Variants in VIRMA observed in about 807,000 individuals in gnomAD.
The protein encoded by VIRMA is protein virilizer homolog.
Under a neutral mutation model 182.4 loss-of-function variants are expected in VIRMA, and 65 were observed. The ratio of observed to expected loss-of-function variants is 0.36; its 90% CI spans 0.29 to 0.44. VIRMA has a LOEUF of 0.44. Among genes scored for constraint, VIRMA ranks in the 20% least tolerant of loss-of-function variants. The pLI, the probability that VIRMA is intolerant of heterozygous loss-of-function variation, is 1.00. For missense variants in VIRMA, 1,752 were observed against 2,158.1 expected (o/e 0.81, Z 3.73); for synonymous variants, 709 against 743.1 (o/e 0.95, Z 0.75).
chr8:94,529,492 T>C (rs1405110581), intron 6 of VIRMA, 150 bp from the exon 7 acceptor site: 2 of 605,852 alleles, frequency 3.3e-6, no homozygotes, highest in African/African-American at 1.9e-5. Context: ...TTAAAAAATA[T>C]TGAGTATACA....
intron 22 of VIRMA, among the ~76,000 whole-genome samples, chr8:94,490,433 TTTG>T (rs749569924): frequency 6.6e-6 from 1 of 152,220 alleles, no homozygotes; most frequent in African/African-American, 2.4e-5. Flanking sequence ...AATCTAAGTG[TTTG>T]TTATTAATAT....
intron 18 of VIRMA, 50 bp from the exon 19 acceptor site, chr8:94,495,941 T>A: frequency 6.6e-7 from 1 of 1,513,436 alleles, no homozygotes; most frequent in Non-Finnish European, 9.0e-7. Flanking sequence ...AACTTATGTC[T>A]GTAAACCTAC....
At chr8:94,539,137 G>A (rs1388368725) in intron 2 of VIRMA, among the ~76,000 whole-genome samples, 3 of 150,092 alleles carry the variant, frequency 2.0e-5, no homozygotes, top group Admixed American at 1.3e-4. Context: ...GAGCTCCTGT[G>A]CTCAAGTGAT....
chr8:94,494,765 A>G, intron 20 of VIRMA, 95 bp downstream of exon 20: 1 of 742,164 alleles, frequency 1.3e-6, no homozygotes, highest in Non-Finnish European at 2.2e-6. Flanking sequence ...AGACTTTAAC[A>G]GCCATAAAAT....
At chr8:94,550,096 T>TA (rs79930556) in intron 1 of VIRMA, among the ~76,000 whole-genome samples, 6,492 of 130,294 alleles carry the variant, frequency 0.05, 149 homozygotes, top group Middle Eastern at 0.081. Context: ...GACCTAGTCT[T>TA]AAAAAAAAAA....
intron 8 of VIRMA, among the ~76,000 whole-genome samples, chr8:94,521,139 A>G (rs1047282806): frequency 6.6e-6 from 1 of 151,710 alleles, no homozygotes; most frequent in Admixed American, 6.6e-5. Context: ...TGCTGCACCT[A>G]TCAACCCATC....
At position 94,512,059 on chromosome 8, in the gene VIRMA, C is replaced by A; in HGVS notation, c.2782G>T (p.Val928Phe). Residue 928 changes from valine to phenylalanine, a missense_variant, in exon 12 of 24, where the codon GTT (valine) becomes TTT (phenylalanine). This residue lies in a region of VIRMA where 777 missense variants were observed against 920.6 expected (regional missense o/e 0.84). Coordinates refer to ENST00000297591, the MANE Select transcript of VIRMA (RefSeq NM_015496.5). ...ACACGTAAGGCAGTGGTAAGGCCAA[C>A]TCCTTCTGGGGTCATCAAGTTATCG... ...NIDNLMTPEG[V>F]GLTTALRVLC... 1 of 1,521,914 alleles carries A rather than the reference C, an allele frequency of 6.6e-7. No homozygotes were observed. The highest frequency in any genetic ancestry group is 8.8e-7 in the Non-Finnish European group (1 of 1,134,482). 94.3% of individuals were successfully genotyped at this position (1,521,914 alleles called of 1,614,324 possible).
chr8:94,518,954 T>G (rs538442336), intron 9 of VIRMA, 31 bp downstream of exon 9: 144 of 1,538,034 alleles, frequency 9.4e-5, no homozygotes, highest in Non-Finnish European at 1.2e-4. Context: ...TCTAACATCA[T>G]AGAAAATTTA....
At chr8:94,523,378 T>C (rs1814841719) in intron 8 of VIRMA, among the ~76,000 whole-genome samples, 1 of 152,194 alleles carries the variant, frequency 6.6e-6, no homozygotes, top group Admixed American at 6.6e-5. Context: ...CATCTCCTTC[T>C]AGCTGCTGCC....
In VIRMA at chr8:94,490,017, T is replaced by C. The variant is rs1473043574; in HGVS notation, c.5206A>G (p.Asn1736Asp). The C allele has an allele frequency of 1.2e-6, 2 of 1,614,058 alleles. No homozygotes were observed. Among genetic ancestry groups the C allele is most frequent in the Non-Finnish European group, 1.7e-6 (2 of 1,180,024 alleles). Reference protein sequence around the residue: ...SWSAQNTPRGNYNESRGGQSN... With the variant: ...SWSAQNTPRGDYNESRGGQSN... ...TGGCCTCCACGACTTTCATTGTAAT[T>C]TCCTCGAGGAGTATTCTGAGCACTC... The change falls in exon 23 of 24, where the codon AAT (asparagine) becomes GAT (aspartate). Residue 1736 changes from asparagine to aspartate, a missense_variant. Around this residue, in one of 11 missense-constraint regions of VIRMA, gnomAD observed 132 missense variants for 173.8 expected, o/e 0.76. Coordinates refer to ENST00000297591, the MANE Select transcript of VIRMA (RefSeq NM_015496.5).
At chr8:94,548,339 A>T (rs1025086037) in intron 1 of VIRMA, among the ~76,000 whole-genome samples, 1 of 151,314 alleles carries the variant, frequency 6.6e-6, no homozygotes, top group African/African-American at 2.5e-5. Context: ...ACAGTATTAC[A>T]GTATTGTAAT....
intron 1 of VIRMA, 113 bp from the exon 2 acceptor site, chr8:94,544,055 CATTAAAT>C: frequency 1.7e-6 from 1 of 587,502 alleles, no homozygotes; most frequent in Non-Finnish European, 3.1e-6. Context: ...CATTCCATAT[CATTAAAT>C]ATCATTAAAT....
chr8:94,541,688 T>G (rs1200083640), intron 2 of VIRMA, among the ~76,000 whole-genome samples: 1 of 152,050 alleles, frequency 6.6e-6, no homozygotes, highest in Admixed American at 6.6e-5. Flanking sequence ...ATTACAGGTG[T>G]GCACCACCAC....
At chr8:94,518,001 T>C in intron 9 of VIRMA, 59 bp from the exon 10 acceptor site, 1 of 1,386,392 alleles carries the variant, frequency 7.2e-7, no homozygotes, top group Non-Finnish European at 1.0e-6. Context: ...AGGAACAATT[T>C]TTAAAAATTT....
rs777082443 is a variant in VIRMA at position 94,511,329 on chromosome 8, T to C, written c.3246A>G (p.Ser1082=). Residue 1082 remains serine (S), a synonymous_variant, in exon 13 of 24, where the codon TCA becomes TCG. Coordinates refer to ENST00000297591, the MANE Select transcript of VIRMA (RefSeq NM_015496.5). ...AAGTATTATTGGCCAGAGTCTCTTC[T>C]GAGATTGTGAGTTTTTCATTAACTC... is the stretch of plus-strand genomic sequence containing the variant. ...TQGVNEKLTI[S]EETLANNTWS... is the part of the protein sequence containing the mutation. 1 of 1,613,496 alleles carries C rather than the reference T, an allele frequency of 6.2e-7. No homozygotes were observed. Among genetic ancestry groups the C allele is most frequent in the Non-Finnish European group, 8.5e-7 (1 of 1,179,680 alleles).
intron 22 of VIRMA, 123 bp downstream of exon 22, chr8:94,491,447 AGTCCAGAG>A: frequency 1.4e-5 from 11 of 775,372 alleles, no homozygotes; most frequent in Non-Finnish European, 2.3e-5. Context: ...CAGTACCACT[AGTCCAGAG>A]GTGGCTCAAC....
At chr8:94,526,075 G>T (rs1814950820) in intron 8 of VIRMA, 148 bp downstream of exon 8, 1 of 639,142 alleles carries the variant, frequency 1.6e-6, no homozygotes. Flanking sequence ...ATACTTCTCA[G>T]TTCCACTACT....
intron 10 of VIRMA, 105 bp downstream of exon 10, chr8:94,517,683 A>G (rs749816732): frequency 5.2e-4 from 350 of 677,384 alleles, no homozygotes; most frequent in Non-Finnish European, 7.5e-4. Context: ...TAAAAACAGT[A>G]TTACTAGGTA....
rs1187861995 is a variant in VIRMA, at chr8:94,535,099, A to G, written c.316-92T>C. 4.0e-6 allele frequency: 6 copies of G among 1,487,354 alleles called. No homozygotes were observed. In the South Asian group the frequency reaches 5.6e-5, roughly 14 times the overall value. The allele number at this position is 1,487,354 out of a possible 1,614,324, so 92.1% of individuals were successfully genotyped here. On this transcript the variant is annotated intron_variant, in intron 4 of 23. Coordinates refer to ENST00000297591, the MANE Select transcript of VIRMA (RefSeq NM_015496.5). ...TACCAAATTAGATTGTGGTTCAACT[A>G]AAGTCTTTAAAAGTATGCTGAAAAT...
Sources: allele counts gnomAD v4.1 joint callset (sites outside exome capture counted in the v4.1 genomes callset), GRCh38; gene constraint gnomAD v4.1.1; regional missense constraint gnomAD v4.1.1; transcripts MANE v1.5; gene names NCBI Gene and HGNC (gene_info 2026-07-23, HGNC 2026-07-21).